CLVS1: variants seen among roughly 807,000 people sequenced by gnomAD.
CLVS1 encodes the protein clavesin-1.
In CLVS1, 10 loss-of-function variants were observed where a neutral mutation model predicts 33.1. The observed-to-expected ratio is 0.30, with a 90% confidence interval of 0.19 to 0.51. The LOEUF is 0.51. Ranked by LOEUF, CLVS1 falls within the 20% of genes least tolerant of loss-of-function variation. CLVS1 has a pLI of 0.97. For missense variants in CLVS1, 343 were observed against 433.4 expected, an observed-to-expected ratio of 0.79 and a Z score of 1.85; for synonymous variants, 163 against 166.1, an observed-to-expected ratio of 0.98 and a Z score of 0.14.
At chr8:61,248,788 A>G (rs1055466260) in intron 2 of CLVS1, among the ~76,000 whole-genome samples, 1 of 152,104 alleles carries the variant, frequency 6.6e-6, no homozygotes. Flanking sequence ...GTCCTCTCTT[A>G]TTTATTAAAA....
At chr8:61,265,906 C>G (rs1245127662) in intron 2 of CLVS1, among the ~76,000 whole-genome samples, 1 of 152,214 alleles carries the variant, frequency 6.6e-6, no homozygotes, top group Non-Finnish European at 1.5e-5. Context: ...GTCACCCCTT[C>G]CAAGAGATCT....
At chr8:61,239,424 T>C (rs1393326871) in intron 2 of CLVS1, among the ~76,000 whole-genome samples, 1 of 152,204 alleles carries the variant, frequency 6.6e-6, no homozygotes, top group Non-Finnish European at 1.5e-5. Context: ...AGGTATTTTT[T>C]TTAGTCTTTT....
the CLVS1 span, among the ~76,000 whole-genome samples, chr8:60,979,012 C>A: frequency 6.6e-6 from 1 of 151,990 alleles, no homozygotes; most frequent in Non-Finnish European, 1.5e-5. Flanking sequence ...TATATTTTGA[C>A]AACTTGAAAA....
intron 5 of CLVS1, among the ~76,000 whole-genome samples, chr8:61,479,214 A>G (rs1342279512): frequency 6.6e-6 from 1 of 152,046 alleles, no homozygotes; most frequent in Non-Finnish European, 1.5e-5. Flanking sequence ...ACTTTCAGGT[A>G]CACCAATCAG....
intron 2 of CLVS1, among the ~76,000 whole-genome samples, chr8:61,176,167 G>A (rs1486368769): frequency 1.3e-5 from 2 of 152,128 alleles, no homozygotes; most frequent in Non-Finnish European, 2.9e-5. Flanking sequence ...CTGGTCAGTG[G>A]GACAGTAGCA....
chr8:61,108,638 C>A (rs192846586), intron 1 of CLVS1, among the ~76,000 whole-genome samples: 1 of 152,180 alleles, frequency 6.6e-6, no homozygotes, highest in Admixed American at 6.5e-5. Context: ...GACCCAACCA[C>A]GCTAAATATG....
At chr8:61,066,111 G>A (rs753499960) in intron 1 of CLVS1, among the ~76,000 whole-genome samples, 39 of 152,216 alleles carry the variant, frequency 2.6e-4, no homozygotes, top group Admixed American at 1.1e-3. Context: ...ACGTAAGGGG[G>A]TAAAAGTGGA....
At chr8:61,425,732 C>G (rs1369008766) in intron 3 of CLVS1, among the ~76,000 whole-genome samples, 3 of 152,188 alleles carry the variant, frequency 2.0e-5, no homozygotes, top group African/African-American at 7.2e-5. Context: ...TCATTTATCA[C>G]TCCTATGCCA....
intron 2 of CLVS1, among the ~76,000 whole-genome samples, chr8:61,139,713 G>T (rs758866978): frequency 6.6e-6 from 1 of 152,168 alleles, no homozygotes; most frequent in Non-Finnish European, 1.5e-5. Context: ...TCCCCTCGGT[G>T]GTCGGGGTCC....
intron 2 of CLVS1, among the ~76,000 whole-genome samples, chr8:61,318,258 G>A (rs1811077714): frequency 6.6e-6 from 1 of 152,112 alleles, no homozygotes; most frequent in Non-Finnish European, 1.5e-5. Context: ...TCACTTGTTT[G>A]TGGTGTTCTG....
At chr8:61,096,005 C>T (rs1247219958) in intron 1 of CLVS1, among the ~76,000 whole-genome samples, 1 of 152,194 alleles carries the variant, frequency 6.6e-6, no homozygotes, top group African/African-American at 2.4e-5. Flanking sequence ...GAGTCAATGT[C>T]TGCAGGAGGT....
At chr8:61,120,143 C>T (rs1423974678) in intron 1 of CLVS1, among the ~76,000 whole-genome samples, 1 of 146,374 alleles carries the variant, frequency 6.8e-6, no homozygotes, top group Non-Finnish European at 1.5e-5. Flanking sequence ...TCGCTGATAC[C>T]CTTTCTTCCA....
intron 2 of CLVS1, among the ~76,000 whole-genome samples, chr8:61,229,077 T>A (rs1452887790): frequency 6.6e-6 from 1 of 152,182 alleles, no homozygotes; most frequent in Non-Finnish European, 1.5e-5. Flanking sequence ...TCTTTTTTGA[T>A]GATTGATGAT....
intron 2 of CLVS1, among the ~76,000 whole-genome samples, chr8:61,255,020 A>C (rs1341505426): frequency 6.6e-6 from 1 of 152,122 alleles, no homozygotes; most frequent in African/African-American, 2.4e-5. Flanking sequence ...TGTAGACTGG[A>C]GCTGTTCCTA....
intron 2 of CLVS1, among the ~76,000 whole-genome samples, chr8:61,248,876 G>A (rs184168114): frequency 1.0e-3 from 152 of 152,174 alleles, no homozygotes; most frequent in Non-Finnish European, 1.9e-3. Context: ...TCATACATAT[G>A]AGGTTAATGA....
chr8:61,363,240 A>G (rs947292179), intron 2 of CLVS1, among the ~76,000 whole-genome samples: 39 of 152,222 alleles, frequency 2.6e-4, no homozygotes, highest in African/African-American at 8.4e-4. Flanking sequence ...GCAAAATCCT[A>G]AATCCTAAAA....
At chr8:61,005,664 A>C in the CLVS1 span, among the ~76,000 whole-genome samples, 1 of 152,188 alleles carries the variant, frequency 6.6e-6, no homozygotes, top group Non-Finnish European at 1.5e-5. Context: ...TACTTTGGAA[A>C]ACTGCCGAGA....
At chr8:61,359,571 G>T (rs942307946) in intron 2 of CLVS1, among the ~76,000 whole-genome samples, 1 of 152,040 alleles carries the variant, frequency 6.6e-6, no homozygotes, top group Non-Finnish European at 1.5e-5. Flanking sequence ...GGCCAGGCTG[G>T]TCTTGAACTC....
the CLVS1 span, among the ~76,000 whole-genome samples, chr8:61,050,438 C>T: frequency 0.012 from 1,810 of 152,326 alleles, 21 homozygotes; most frequent in South Asian, 0.027. Context: ...AGTGAGTGCT[C>T]TGGGCTGGAA....
Sources: allele counts gnomAD v4.1 joint callset (sites outside exome capture counted in the v4.1 genomes callset), GRCh38; gene constraint gnomAD v4.1.1; transcripts MANE v1.5; gene names NCBI Gene and HGNC (gene_info 2026-07-23, HGNC 2026-07-21).